The following OR2AJ1 variants were observed in gnomAD, a reference collection of about 807,000 sequenced individuals.
OR2AJ1 encodes the protein olfactory receptor 2AJ1.
For missense variants in OR2AJ1, 280 were observed against 163.2 expected (o/e 1.72, Z -3.90); for synonymous variants, 105 against 60.3 (o/e 1.74, Z -3.44).
intron 1 of OR2AJ1, 50 bp from the exon 2 acceptor site, chr1:247,933,697 G>T (rs1407396477): frequency 3.6e-6 from 2 of 549,832 alleles, no homozygotes; most frequent in South Asian, 2.9e-5. Context: ...GTTAGATTAA[G>T]ATTTACACTA....
intron 1 of OR2AJ1, among the ~76,000 whole-genome samples, chr1:247,928,877 G>A (rs1359902893): frequency 6.6e-6 from 1 of 152,106 alleles, no homozygotes; most frequent in African/African-American, 2.4e-5. Flanking sequence ...GGCGGATCAC[G>A]AGGTCAGGAG....
Position 247,924,924 on chromosome 1 carries a change from C to T in OR2AJ1, c.-267C>T, listed in dbSNP as rs1660070495. ...TTCCAACTGGGAAGTTGTCTTTCAT[C>T]CTTTTCCTTGCTCCTTTCAAATCAC... On this transcript the variant is annotated 5_prime_UTR_variant, in exon 1 of 2. Coordinates refer to ENST00000318244, the MANE Select transcript of OR2AJ1 (RefSeq NM_001355235.2). 1 of 152,262 alleles carries T rather than the reference C, an allele frequency of 6.6e-6. No homozygotes were observed. Among genetic ancestry groups the T allele is most frequent in the South Asian group, 2.1e-4 (1 of 4,836 alleles). The allele number at this position is 152,262 out of a possible 1,614,324, so 9.4% of individuals were successfully genotyped here. A position where few individuals can be genotyped will look rare whatever the true frequency, so the allele number is the denominator to read the frequency against.
intron 1 of OR2AJ1, among the ~76,000 whole-genome samples, chr1:247,931,559 G>A (rs1660153119): frequency 6.6e-6 from 1 of 152,104 alleles, no homozygotes; most frequent in Non-Finnish European, 1.5e-5. Flanking sequence ...GATGATGAGG[G>A]AGATAAGAAA....
intron 1 of OR2AJ1, among the ~76,000 whole-genome samples, chr1:247,926,320 A>T (rs1227049280): frequency 6.6e-6 from 1 of 152,222 alleles, no homozygotes; most frequent in Non-Finnish European, 1.5e-5. Flanking sequence ...ATAGTTGTAC[A>T]CCCAGTTGAA....
chr1:247,931,496 G>A (rs187536956), intron 1 of OR2AJ1, among the ~76,000 whole-genome samples: 1 of 152,292 alleles, frequency 6.6e-6, no homozygotes, highest in South Asian at 2.1e-4. Context: ...ATGAAAAAAA[G>A]TTGCAGAAAT....
At chr1:247,931,044 T>C (rs1349340421) in intron 1 of OR2AJ1, among the ~76,000 whole-genome samples, 2 of 152,150 alleles carry the variant, frequency 1.3e-5, no homozygotes, top group Non-Finnish European at 1.5e-5. Context: ...GAAGTATATA[T>C]AAAGATGTAA....
chr1:247,930,538 A>G (rs1035157331), intron 1 of OR2AJ1, among the ~76,000 whole-genome samples: 4 of 152,148 alleles, frequency 2.6e-5, no homozygotes, highest in African/African-American at 9.7e-5. Flanking sequence ...AATTCAATGG[A>G]ACATTTGCAC....
rs1182084768 is a variant in OR2AJ1 at position 247,934,329 on chromosome 1, G to T, written c.561G>T (p.Leu187Phe). 2 of 737,696 alleles carry T rather than the reference G, an allele frequency of 2.7e-6. No homozygotes were observed. Among genetic ancestry groups the T allele is most frequent in the Admixed American group, 1.9e-5 (1 of 52,670 alleles). The allele number at this position is 737,696 out of a possible 1,614,324, so 45.7% of individuals were successfully genotyped here. A position where few individuals can be genotyped will look rare whatever the true frequency, so the allele number is the denominator to read the frequency against. Reference sequence around the variant, plus strand: ...GTGAAGTCCCTGCCATGTTGAAGTTGTCCTGTGCAGACACAACACGCTATG... The same window carrying T: ...GTGAAGTCCCTGCCATGTTGAAGTTTTCCTGTGCAGACACAACACGCTATG... ...FFCEVPAMLK[L>F]SCADTTRYER... The change falls in exon 2 of 2, where the codon TTG becomes TTT. Residue 187 changes from leucine (L) to phenylalanine (F), a missense_variant. Physicochemically the swap from Leu to Phe is conservative, Grantham distance 22 (BLOSUM62 0). Transcript: ENST00000318244.
intron 1 of OR2AJ1, among the ~76,000 whole-genome samples, chr1:247,927,495 G>GTTGTGTGTGTGTGTGTGT (rs1553341341): frequency 3.0e-4 from 4 of 13,300 alleles, no homozygotes; most frequent in East Asian, 2.2e-3. Context: ...AAACATTTAG[G>GTTGTGTGTGTGTGTGTGT]GGGTGTGTGT....
rs946064065 is a variant in OR2AJ1 at position 247,935,208 on chromosome 1, A to T, written c.*453A>T. The T allele has an allele frequency of 3.1e-5, 5 of 160,944 alleles. No homozygotes were observed. The highest frequency in any genetic ancestry group is 1.2e-4 in the African/African-American group (5 of 41,464). The allele number at this position is 160,944 out of a possible 1,614,324, so 10.0% of individuals were successfully genotyped here. On this transcript the variant is annotated 3_prime_UTR_variant, in exon 2 of 2. Transcript: ENST00000318244. ...GATACACATATATATGCACACACACATATATATGTACACACATATATACAG... is the reference window on the plus strand; with the variant it reads ...GATACACATATATATGCACACACACTTATATATGTACACACATATATACAG...
chr1:247,932,761 A>G (rs1660168304), intron 1 of OR2AJ1, among the ~76,000 whole-genome samples: 1 of 152,170 alleles, frequency 6.6e-6, no homozygotes, highest in Admixed American at 6.5e-5. Flanking sequence ...ATATGTATGT[A>G]TTTATGCATA....
At chr1:247,929,904 A>G (rs890127465) in intron 1 of OR2AJ1, among the ~76,000 whole-genome samples, 1 of 152,212 alleles carries the variant, frequency 6.6e-6, no homozygotes, top group Non-Finnish European at 1.5e-5. Flanking sequence ...AGTCAATAGC[A>G]TACGAATTCC....
chr1:247,934,992 G>GT lies in OR2AJ1; in HGVS notation c.*238dup, dbSNP rs1660201718. 3 of 377,756 alleles carry GT rather than the reference G, an allele frequency of 7.9e-6. No individual in the cohort carries two copies. Among genetic ancestry groups the GT allele is most frequent in the Non-Finnish European group, 1.4e-5 (3 of 213,064 alleles). The allele number at this position is 377,756 out of a possible 1,614,324, so 23.4% of individuals were successfully genotyped here. A position where few individuals can be genotyped will look rare whatever the true frequency, so the allele number is the denominator to read the frequency against. ...CGTCCTATTCCCTAACACCAAAATT[G>GT]TAAGACTTATGAGAATATCCCTAAA... On this transcript the variant is annotated 3_prime_UTR_variant, in exon 2 of 2. Transcript: ENST00000318244.
At position 247,934,451 on chromosome 1, in the gene OR2AJ1, T is replaced by G. The variant is rs45624439; in HGVS notation, c.683T>G (p.Met228Arg). ...CAAATTATTCTTACTGTCCTCCAGA[T>G]GAAATCATCAGAGGCAAGGAAAAAG... The part of the protein sequence containing the change: ...YGQIILTVLQ[M>R]KSSEARKKSF... Residue 228 changes from methionine (M) to arginine (R), a missense_variant, in exon 2 of 2, where the codon ATG (methionine) becomes AGG (arginine). Coordinates refer to ENST00000318244, the MANE Select transcript of OR2AJ1 (RefSeq NM_001355235.2). The G allele has an allele frequency of 1.4e-6, 1 of 717,592 alleles. No individual in the cohort carries two copies. The highest frequency in any genetic ancestry group is 2.6e-6 in the Non-Finnish European group (1 of 385,130). The allele number at this position is 717,592 out of a possible 1,614,324, so 44.5% of individuals were successfully genotyped here.
rs867207737 is a variant in OR2AJ1, at chr1:247,934,192, G to A, written c.424G>A (p.Ala142Thr). The change falls in exon 2 of 2, where the codon GCT becomes ACT. Residue 142 changes from alanine to threonine, a missense_variant. Ala to Thr is a moderately conservative substitution (Grantham distance 58). Transcript: ENST00000318244. The stretch of plus-strand genomic sequence containing the variant: ...GATTCTTATGAAGGAGTATGCCAGC[G>A]CTCTCATGGCTGGAGGCTCCTGGCT... Reference protein sequence around the residue: ...YPILMKEYASALMAGGSWLIG... With the variant: ...YPILMKEYASTLMAGGSWLIG... The A allele has an allele frequency of 1.1e-5, 8 of 718,322 alleles. No homozygotes were observed. The highest frequency in any genetic ancestry group is 3.0e-5 in the South Asian group (2 of 67,656). 44.5% of individuals were successfully genotyped at this position (718,322 alleles called of 1,614,324 possible).
chr1:247,932,046 CGGAAA>C (rs1211652625), intron 1 of OR2AJ1, among the ~76,000 whole-genome samples: 1 of 152,164 alleles, frequency 6.6e-6, no homozygotes, highest in Non-Finnish European at 1.5e-5. Flanking sequence ...ACAGTCAAAA[CGGAAA>C]GGAATGGCTG....
intron 1 of OR2AJ1, among the ~76,000 whole-genome samples, chr1:247,928,270 T>A (rs1005996893): frequency 6.6e-6 from 1 of 152,240 alleles, no homozygotes; most frequent in African/African-American, 2.4e-5. Context: ...ATTAGTGATG[T>A]TGAACATTTT....
intron 1 of OR2AJ1, 135 bp downstream of exon 1, chr1:247,925,303 C>G (rs1048107260): frequency 6.6e-6 from 1 of 152,216 alleles, no homozygotes; most frequent in African/African-American, 2.4e-5. Context: ...AGCAGACGGT[C>G]CACATAAACA....
In OR2AJ1 at chr1:247,934,655, A is replaced by G; in HGVS notation, c.887A>G (p.Asp296Gly). ...NPFIYSFRNK[D>G]VLAVMKNMLK... ...TTCATCTACAGCTTTAGGAATAAAG[A>G]TGTTCTGGCGGTGATGAAAAATATG... Residue 296 changes from aspartate to glycine, a missense_variant, in exon 2 of 2, where the codon GAT (aspartate) becomes GGT (glycine). Asp to Gly is a moderately conservative substitution (Grantham distance 94). Coordinates refer to ENST00000318244, the MANE Select transcript of OR2AJ1 (RefSeq NM_001355235.2). The G allele has an allele frequency of 1.4e-6, 1 of 717,594 alleles. No individual in the cohort carries two copies. Among genetic ancestry groups the G allele is most frequent in the Non-Finnish European group, 2.6e-6 (1 of 385,192 alleles). 44.5% of individuals were successfully genotyped at this position (717,594 alleles called of 1,614,324 possible). A position where few individuals can be genotyped will look rare whatever the true frequency, so the allele number is the denominator to read the frequency against.
Sources: allele counts gnomAD v4.1 joint callset (sites outside exome capture counted in the v4.1 genomes callset), GRCh38; gene constraint gnomAD v4.1.1; transcripts MANE v1.5; gene names NCBI Gene and HGNC (gene_info 2026-07-23, HGNC 2026-07-21).